Variants in LRIG2 observed in about 807,000 individuals in gnomAD.
LRIG2 encodes the protein leucine rich repeats and immunoglobulin like domains 2, also known as leucine-rich repeats and immunoglobulin-like domains protein 2.
A neutral mutation model predicts 107.8 loss-of-function variants in LRIG2; 93 were observed. That is an observed-to-expected ratio of 0.86 (90% CI 0.73 to 1.03). LRIG2 has a LOEUF of 1.03. Among genes scored for constraint, LRIG2 ranks in the 50% least tolerant of loss-of-function variants. LRIG2 has a pLI of 0.00. For missense variants in LRIG2, 1,226 were observed against 1,296.0 expected, an observed-to-expected ratio of 0.95 and a Z score of 0.83; for synonymous variants, 471 against 470.6, an observed-to-expected ratio of 1.00 and a Z score of -0.01.
chr1:113,097,038 T>C (rs1477258462), intron 8 of LRIG2, among the ~76,000 whole-genome samples: 1 of 151,268 alleles, frequency 6.6e-6, no homozygotes, highest in South Asian at 2.1e-4. Context: ...CTGGCCATCA[T>C]TTTTTTTTCT....
chr1:113,123,689 G>A (rs1655359155), intron 17 of LRIG2, among the ~76,000 whole-genome samples, 186 bp from the exon 18 acceptor site: 1 of 150,766 alleles, frequency 6.6e-6, no homozygotes, highest in Admixed American at 6.6e-5. Context: ...GGTTTGTGAA[G>A]TAGAGGGATT....
At position 113,124,726 on chromosome 1, in the gene LRIG2, T is replaced by A. The variant is rs1655414378; in HGVS notation, c.*625T>A. ...ATATATGTGCATTTATAAATAATTT[T>A]TGTATTCATTGACCATATGTGTTGG... On this transcript the variant is annotated 3_prime_UTR_variant, in exon 18 of 18. Transcript: ENST00000361127. 6.6e-6 allele frequency: 1 copy of A among 152,466 alleles called. No individual in the cohort carries two copies. The highest frequency in any genetic ancestry group is 1.5e-5 in the Non-Finnish European group (1 of 68,228). 9.4% of individuals were successfully genotyped at this position (152,466 alleles called of 1,614,324 possible).
At position 113,131,487 on chromosome 1, in the gene LRIG2, T is replaced by C. The variant is rs1345121777; in HGVS notation, c.*7386T>C. 1 of 152,344 alleles carries C rather than the reference T, an allele frequency of 6.6e-6. No homozygotes were observed. Among genetic ancestry groups the C allele is most frequent in the Non-Finnish European group, 1.5e-5 (1 of 68,040 alleles). 9.4% of individuals were successfully genotyped at this position (152,344 alleles called of 1,614,324 possible). On this transcript the variant is annotated 3_prime_UTR_variant, in exon 18 of 18. Coordinates refer to ENST00000361127, the MANE Select transcript of LRIG2 (RefSeq NM_014813.3). ...ATTATAGAGGTAATTGTGAAGACAG[T>C]TGAACCTTAGAAGATTGAGCTAAGA...
chr1:113,081,861 T>C (rs1239910437), intron 1 of LRIG2, among the ~76,000 whole-genome samples: 2 of 152,188 alleles, frequency 1.3e-5, no homozygotes, highest in Non-Finnish European at 2.9e-5. Flanking sequence ...TCAAAAGTAT[T>C]ATGGATGTCT....
At position 113,073,336 on chromosome 1, in the gene LRIG2, C is replaced by G. The variant is rs1371736471; in HGVS notation, c.-71C>G. ...ACAGTGCAGCCACCGAGCATCTCTG[C>G]TGAGCTTCTCCGCCGATCCTCCTTT... On this transcript the variant is annotated 5_prime_UTR_variant, in exon 1 of 18. Coordinates refer to ENST00000361127, the MANE Select transcript of LRIG2 (RefSeq NM_014813.3). 7.7e-7 allele frequency: 1 copy of G among 1,291,646 alleles called. No individual in the cohort carries two copies. Among genetic ancestry groups the G allele is most frequent in the African/African-American group, 1.5e-5 (1 of 68,682 alleles). 80.0% of individuals were successfully genotyped at this position (1,291,646 alleles called of 1,614,324 possible). A position where few individuals can be genotyped will look rare whatever the true frequency, so the allele number is the denominator to read the frequency against.
intron 1 of LRIG2, among the ~76,000 whole-genome samples, chr1:113,090,631 AT>A (rs955961643): frequency 1.6e-4 from 24 of 151,396 alleles, no homozygotes; most frequent in African/African-American, 5.6e-4. Flanking sequence ...AGGTCAGGAG[AT>A]CGAGACCATC....
chr1:113,095,761 C>T, intron 6 of LRIG2, 113 bp from the exon 7 acceptor site: 2 of 976,764 alleles, frequency 2.0e-6, no homozygotes, highest in Admixed American at 4.0e-5. Flanking sequence ...TTGGTCAGCT[C>T]AGTTGGGTTG....
In LRIG2 at chr1:113,107,698, A is replaced by T. The variant is rs772231424; in HGVS notation, c.1418A>T (p.His473Leu). The T allele has an allele frequency of 3.7e-6, 6 of 1,613,742 alleles. No homozygotes were observed. The South Asian group carries it at 6.6e-5, about 18-fold the overall frequency. The change falls in exon 12 of 18, where the codon CAC (histidine) becomes CTC (leucine). Residue 473 changes from histidine (H) to leucine (L), a missense_variant. His to Leu is a moderately conservative substitution (Grantham distance 99, BLOSUM62 -3). This residue lies in a region of LRIG2 where 14 missense variants were observed against 33.6 expected (regional missense o/e 0.42). Coordinates refer to ENST00000361127, the MANE Select transcript of LRIG2 (RefSeq NM_014813.3). Reference protein sequence around the residue: ...FQHSVNVSCAHPEWLAGQSIL... With the variant: ...FQHSVNVSCALPEWLAGQSIL... Reference sequence around the variant, plus strand: ...CATTCTGTGAATGTAAGCTGTGCACACCCTGAATGGCTAGCAGGGCAAAGC... The same window carrying T: ...CATTCTGTGAATGTAAGCTGTGCACTCCCTGAATGGCTAGCAGGGCAAAGC...
At chr1:113,108,704 C>A (rs1270601366) in intron 12 of LRIG2, among the ~76,000 whole-genome samples, 1 of 151,660 alleles carries the variant, frequency 6.6e-6, no homozygotes, top group Non-Finnish European at 1.5e-5. Flanking sequence ...TGGCGAAACC[C>A]TGACTCTACT....
chr1:113,095,982 T>C lies in LRIG2; in HGVS notation c.912T>C (p.Pro304=), dbSNP rs1254820814. ...AGAATGCTATTGAAAGAATCAGCCC[T>C]GATGCATGGGAGTTCTGCCAAAGAC... The part of the protein sequence containing the change: ...VSQNAIERIS[P]DAWEFCQRLS... Residue 304 remains proline (P), a synonymous_variant, in exon 7 of 18, where the codon CCT becomes CCC. Coordinates refer to ENST00000361127, the MANE Select transcript of LRIG2 (RefSeq NM_014813.3). The C allele has an allele frequency of 2.5e-6, 4 of 1,614,168 alleles. 1 individual carries two copies. The South Asian group carries it at 4.4e-5, about 18-fold the overall frequency.
At chr1:113,080,057 T>C (rs1287604940) in intron 1 of LRIG2, among the ~76,000 whole-genome samples, 1 of 132,992 alleles carries the variant, frequency 7.5e-6, no homozygotes, top group African/African-American at 2.8e-5. Flanking sequence ...AATCTTGCTC[T>C]GTCGCCAGGC....
chr1:113,113,527 CATTT>C (rs71590539), intron 14 of LRIG2, among the ~76,000 whole-genome samples: 45,980 of 138,130 alleles, frequency 0.33, 7,973 homozygotes, highest in East Asian at 0.56. Flanking sequence ...AATAAGAAGT[CATTT>C]ATTTATTTAT....
intron 11 of LRIG2, among the ~76,000 whole-genome samples, chr1:113,106,992 A>G (rs923458305): frequency 1.3e-5 from 2 of 152,062 alleles, no homozygotes; most frequent in African/African-American, 2.4e-5. Context: ...AGATTCACCA[A>G]TTGTTAACTT....
chr1:113,110,224 G>GC lies in LRIG2; in HGVS notation c.1478-17dup, dbSNP rs529070858. On this transcript the variant is annotated splice_polypyrimidine_tract_variant and intron_variant, in intron 12 of 17. Coordinates refer to ENST00000361127, the MANE Select transcript of LRIG2 (RefSeq NM_014813.3). ...ATAAATAACTGACTTGGCTACGGATGCATTTTTTTCCCCTTAGATGATTTT... is the reference window on the plus strand; with the variant it reads ...ATAAATAACTGACTTGGCTACGGATGCCATTTTTTTCCCCTTAGATGATTTT... The GC allele has an allele frequency of 2.6e-4, 403 of 1,529,414 alleles. 1 individual carries two copies. Among genetic ancestry groups the GC allele is most frequent in the South Asian group, 1.2e-4 (10 of 82,422 alleles). The allele number at this position is 1,529,414 out of a possible 1,614,324, so 94.7% of individuals were successfully genotyped here. A position where few individuals can be genotyped will look rare whatever the true frequency, so the allele number is the denominator to read the frequency against.
Position 113,130,148 on chromosome 1 carries a change from A to T in LRIG2, c.*6047A>T, listed in dbSNP as rs1655649705. 1 of 152,230 alleles carries T rather than the reference A, an allele frequency of 6.6e-6. No homozygotes were observed. Among genetic ancestry groups the T allele is most frequent in the Non-Finnish European group, 1.5e-5 (1 of 68,068 alleles). The allele number at this position is 152,230 out of a possible 1,614,324, so 9.4% of individuals were successfully genotyped here. A position where few individuals can be genotyped will look rare whatever the true frequency, so the allele number is the denominator to read the frequency against. On this transcript the variant is annotated 3_prime_UTR_variant, in exon 18 of 18. Transcript: ENST00000361127. ...CAATCTCCCCACTTAGGCCTCCCAAAGTGCAGGGATTATAGGCATGAGCCA... is the reference window on the plus strand; with the variant it reads ...CAATCTCCCCACTTAGGCCTCCCAATGTGCAGGGATTATAGGCATGAGCCA...
chr1:113,100,338 A>T, intron 10 of LRIG2, 56 bp downstream of exon 10: 1 of 1,472,416 alleles, frequency 6.8e-7, no homozygotes, highest in Non-Finnish European at 9.4e-7. Flanking sequence ...CTATTAGCAG[A>T]GGTTTTCATG....
At chr1:113,104,525 T>C (rs1349646718) in intron 11 of LRIG2, among the ~76,000 whole-genome samples, 1 of 151,602 alleles carries the variant, frequency 6.6e-6, no homozygotes, top group Non-Finnish European at 1.5e-5. Context: ...TAAAAGTCTT[T>C]TTTTTTTTTT....
chr1:113,102,332 C>A (rs969103204), intron 11 of LRIG2, among the ~76,000 whole-genome samples: 1 of 151,462 alleles, frequency 6.6e-6, no homozygotes, highest in Non-Finnish European at 1.5e-5. Context: ...CCAGTGGTGC[C>A]ATCTCAGCTC....
Position 113,110,312 on chromosome 1 carries a change from T to A in LRIG2, c.1548T>A (p.Thr516=). 1 of 1,614,142 alleles carries A rather than the reference T, an allele frequency of 6.2e-7. No homozygotes were observed. Among genetic ancestry groups the A allele is most frequent in the South Asian group, 1.1e-5 (1 of 91,074 alleles). Residue 516 remains threonine, a synonymous_variant, in exon 13 of 18, where the codon ACT becomes ACA. Coordinates refer to ENST00000361127, the MANE Select transcript of LRIG2 (RefSeq NM_014813.3). ...TIIALRGMNV[T]LTCTAVSSSD... ...TTGCTCTAAGAGGCATGAATGTGAC[T>A]CTGACGTGCACTGCAGTGAGCAGCA...
Sources: gnomAD v4.1 joint callset for allele counts (sites outside exome capture counted in the v4.1 genomes callset) on GRCh38, gnomAD v4.1.1 for gene constraint, gnomAD v4.1.1 regional missense constraint, MANE v1.5 for transcripts, NCBI Gene and HGNC (gene_info 2026-07-23, HGNC 2026-07-21) for gene names.